Variants in PATJ observed in about 807,000 individuals in gnomAD.
PATJ encodes inaD-like protein.
Under a neutral mutation model 224.9 loss-of-function variants are expected in PATJ, and 190 were observed. The observed-to-expected ratio is 0.84, with a 90% CI of 0.75 to 0.95. The LOEUF (loss-of-function observed/expected upper bound fraction) is 0.95, where lower values mean the gene tolerates loss of function less well. PATJ is among the 40% of genes least tolerant of loss of function. The pLI is 0.00. For synonymous variants in PATJ, 769 were observed against 820.3 expected, an observed-to-expected ratio of 0.94 and a Z score of 1.07; for missense variants, 2,121 against 2,270.3, an observed-to-expected ratio of 0.93 and a Z score of 1.34.
rs1672421800 is a variant in PATJ at position 61,910,242 on chromosome 1, G to A, written c.3492+1760G>A. 3.3e-5 allele frequency among the ~76,000 whole-genome samples: 5 copies of A among 152,172 alleles called. No individual in the cohort carries two copies. In the South Asian group the frequency reaches 1.0e-3, roughly 32 times the overall value. ...CAGCTGTGAATGACCTGCCAAAAAGGCTAAGCTTTCAATCCAACCTTTGCT... is the reference window on the plus strand; with the variant it reads ...CAGCTGTGAATGACCTGCCAAAAAGACTAAGCTTTCAATCCAACCTTTGCT... On this transcript the variant is annotated intron_variant, in intron 25 of 43. Coordinates refer to ENST00000642238, the MANE Select transcript of PATJ (RefSeq NM_001350145.3).
At chr1:62,050,693 A>G (rs1357548514) in intron 30 of PATJ, among the ~76,000 whole-genome samples, 1 of 152,102 alleles carries the variant, frequency 6.6e-6, no homozygotes, top group African/African-American at 2.4e-5. Flanking sequence ...GGGAAAAGAA[A>G]AAGACTATCC....
At chr1:61,901,590 C>A in intron 24 of PATJ, 131 bp downstream of exon 24, 1 of 604,672 alleles carries the variant, frequency 1.7e-6, no homozygotes, top group Non-Finnish European at 2.8e-6. Flanking sequence ...ATTTATATGC[C>A]TTAGTTTGTA....
intron 1 of PATJ, among the ~76,000 whole-genome samples, chr1:61,755,022 G>A (rs1645553437): frequency 6.6e-6 from 1 of 152,080 alleles, no homozygotes; most frequent in Non-Finnish European, 1.5e-5. Context: ...AAGATGGGCA[G>A]GGTGCAGTGG....
chr1:61,941,440 C>G (rs1251017868), intron 27 of PATJ, among the ~76,000 whole-genome samples: 1 of 152,162 alleles, frequency 6.6e-6, no homozygotes, highest in Non-Finnish European at 1.5e-5. Context: ...CTCTCGAGAT[C>G]AGGAGTTCAA....
chr1:61,976,408 G>A (rs938794134), intron 27 of PATJ, among the ~76,000 whole-genome samples: 2 of 151,816 alleles, frequency 1.3e-5, no homozygotes, highest in Admixed American at 1.3e-4. Context: ...TTTTTTGTTT[G>A]TTTGTTTGTT....
In PATJ at chr1:61,797,324, A is replaced by G. The variant is rs762483527; in HGVS notation, c.1298A>G (p.Asp433Gly). The G allele has an allele frequency of 2.5e-6, 4 of 1,613,864 alleles. No homozygotes were observed. Among genetic ancestry groups the G allele is most frequent in the Non-Finnish European group, 3.4e-6 (4 of 1,179,782 alleles). ...AACATTCAGGGTTTTGCCAACCATGATGTTGTTGAAGTATTACGAAATGCA... is the reference window on the plus strand; with the variant it reads ...AACATTCAGGGTTTTGCCAACCATGGTGTTGTTGAAGTATTACGAAATGCA... ...GVNIQGFANH[D>G]VVEVLRNAGQ... The change falls in exon 11 of 44, where the codon GAT becomes GGT. Residue 433 changes from aspartate (D) to glycine (G), a missense_variant. Physicochemically the swap from Asp to Gly is moderately conservative, Grantham distance 94 (BLOSUM62 -1). Transcript: ENST00000642238.
intron 16 of PATJ, among the ~76,000 whole-genome samples, chr1:61,829,127 T>C (rs943924800): frequency 6.6e-5 from 10 of 152,198 alleles, no homozygotes; most frequent in African/African-American, 2.4e-4. Flanking sequence ...AACACTGTCT[T>C]ATAGATACTT....
At chr1:61,751,598 G>A (rs1645333171) in intron 1 of PATJ, among the ~76,000 whole-genome samples, 1 of 152,004 alleles carries the variant, frequency 6.6e-6, no homozygotes, top group African/African-American at 2.4e-5. Flanking sequence ...GGCCAAGGCA[G>A]GCAGATCATC....
chr1:61,969,918 T>C (rs961426063), intron 27 of PATJ, among the ~76,000 whole-genome samples: 3 of 152,140 alleles, frequency 2.0e-5, no homozygotes, highest in Non-Finnish European at 4.4e-5. Context: ...GGTCTCGAAC[T>C]CCTGACCTCA....
chr1:61,821,169 C>T (rs1657187374), intron 14 of PATJ, among the ~76,000 whole-genome samples: 1 of 151,966 alleles, frequency 6.6e-6, no homozygotes, highest in Non-Finnish European at 1.5e-5. Context: ...CTCAGCCTCC[C>T]GTGCAGCTGG....
intron 28 of PATJ, among the ~76,000 whole-genome samples, chr1:62,001,471 C>G (rs1370700210): frequency 3.3e-5 from 5 of 150,136 alleles, no homozygotes; most frequent in Admixed American, 2.0e-4. Flanking sequence ...GCTTATTTTT[C>G]TCAGGTTTGT....
intron 27 of PATJ, among the ~76,000 whole-genome samples, chr1:61,950,693 T>A (rs1363498861): frequency 6.6e-6 from 1 of 152,220 alleles, no homozygotes; most frequent in Non-Finnish European, 1.5e-5. Context: ...ACCAAATATT[T>A]GAGTATGTTT....
chr1:62,078,216 T>C (rs1358112803), intron 31 of PATJ, among the ~76,000 whole-genome samples: 2 of 152,254 alleles, frequency 1.3e-5, no homozygotes, highest in African/African-American at 4.8e-5. Context: ...GGTTACTACC[T>C]ATATTTCTTA....
At chr1:61,944,425 G>A (rs1265752083) in intron 27 of PATJ, among the ~76,000 whole-genome samples, 1 of 152,134 alleles carries the variant, frequency 6.6e-6, no homozygotes, top group African/African-American at 2.4e-5. Context: ...AGTACGTGAC[G>A]AATGCACAAG....
rs768791620 is a variant in PATJ, at chr1:61,899,654, T to C, written c.3203T>C (p.Ile1068Thr). 2 of 1,599,704 alleles carry C rather than the reference T, an allele frequency of 1.3e-6. No homozygotes were observed. The highest frequency in any genetic ancestry group is 3.5e-5 in the Admixed American group (2 of 56,764). Residue 1068 changes from isoleucine (I) to threonine (T), a missense_variant and splice_region_variant, in exon 23 of 44, where the codon ATT becomes ACT. Ile to Thr is a moderately conservative substitution (Grantham distance 89). Transcript: ENST00000642238. ...TTTAGCCACTGGGGTCCACCGAGAA[T>C]GTATGTGGATGACATTATTGTGGCT... ...PNFSHWGPPR[I>T]VEIFREPNVS...
chr1:61,826,300 A>C (rs1658245267), intron 15 of PATJ, among the ~76,000 whole-genome samples: 1 of 152,344 alleles, frequency 6.6e-6, no homozygotes, highest in African/African-American at 2.4e-5. Flanking sequence ...TCTCTGGTGC[A>C]GTGAAAGATT....
At chr1:61,998,163 T>A (rs1287300480) in intron 28 of PATJ, among the ~76,000 whole-genome samples, 1 of 149,844 alleles carries the variant, frequency 6.7e-6, no homozygotes, top group Non-Finnish European at 1.5e-5. Context: ...CACTGCAACC[T>A]CCACCTCCTA....
intron 24 of PATJ, among the ~76,000 whole-genome samples, chr1:61,905,095 G>T (rs2365733): frequency 0.75 from 114,244 of 151,368 alleles, 43,346 homozygotes; most frequent in East Asian, 1. Flanking sequence ...GTTGAGTCAG[G>T]TGTCTTTGGA....
At chr1:62,042,203 C>T (rs1651625354) in intron 30 of PATJ, among the ~76,000 whole-genome samples, 1 of 152,148 alleles carries the variant, frequency 6.6e-6, no homozygotes, top group Admixed American at 6.5e-5. Context: ...AAATCCCTTT[C>T]TCTAACAGCA....
Sources: allele counts gnomAD v4.1 joint callset (sites outside exome capture counted in the v4.1 genomes callset), GRCh38; gene constraint gnomAD v4.1.1; transcripts MANE v1.5; gene names NCBI Gene and HGNC (gene_info 2026-07-23, HGNC 2026-07-21).